Variants in MAML3 observed in about 807,000 individuals in gnomAD.
MAML3 encodes mastermind-like protein 3.
In MAML3, 27 loss-of-function variants were observed where a neutral mutation model predicts 101.9. That is an observed-to-expected ratio of 0.27 (90% CI 0.20 to 0.37). The LOEUF (loss-of-function observed/expected upper bound fraction) is 0.37. Among genes scored for constraint, MAML3 ranks in the 10% least tolerant of loss-of-function variants. The probability of loss-of-function intolerance (pLI) is 1.00; values close to 1 mark genes in which losing one functional copy is unlikely to be tolerated. For synonymous variants in MAML3, 501 were observed against 555.9 expected, an observed-to-expected ratio of 0.90 and a Z score of 1.39; for missense variants, 1,316 against 1,444.9, an observed-to-expected ratio of 0.91 and a Z score of 1.45.
chr4:139,987,809 C>T (rs534768932), intron 1 of MAML3, among the ~76,000 whole-genome samples: 3 of 152,076 alleles, frequency 2.0e-5, no homozygotes, highest in African/African-American at 7.2e-5. Flanking sequence ...CACCTGAGGT[C>T]AGGAGTTCGA....
intron 2 of MAML3, among the ~76,000 whole-genome samples, chr4:139,865,496 G>GTTTTT (rs1175520994): frequency 8.2e-6 from 1 of 122,626 alleles, no homozygotes; most frequent in African/African-American, 2.7e-5. Context: ...TTTTTTTTTT[G>GTTTTT]TTTTTTTTTT....
chr4:139,995,288 T>C (rs1734786067), intron 1 of MAML3, among the ~76,000 whole-genome samples: 1 of 152,216 alleles, frequency 6.6e-6, no homozygotes, highest in South Asian at 2.1e-4. Context: ...TATTTCAGGA[T>C]TCAATTTGCT....
intron 1 of MAML3, among the ~76,000 whole-genome samples, chr4:140,077,070 T>G (rs1028663199): frequency 1.3e-5 from 2 of 151,872 alleles, no homozygotes; most frequent in East Asian, 3.9e-4. Context: ...TTTGTATTTT[T>G]GGGGTTTCGC....
chr4:139,889,518 G>C lies in MAML3; in HGVS notation c.1918C>G (p.Gln640Glu). 6.2e-7 allele frequency: 1 copy of C among 1,608,830 alleles called. No individual in the cohort carries two copies. The highest frequency in any genetic ancestry group is 8.5e-7 in the Non-Finnish European group (1 of 1,175,742). Reference sequence around the variant, plus strand: ...TGCTGCTGCTGCTGCTGTTGCTGTTGCTGCTGCTGTTGCTGCTGCTGGATA... The same window carrying C: ...TGCTGCTGCTGCTGCTGTTGCTGTTCCTGCTGCTGTTGCTGCTGCTGGATA... Reference protein sequence around the residue: ...PYIQQQQQQQQQQQQQQQQQQ... With the variant: ...PYIQQQQQQQEQQQQQQQQQQ... Residue 640 changes from glutamine to glutamate, a missense_variant, in exon 2 of 5, where the codon CAA (glutamine) becomes GAA (glutamate). Transcript: ENST00000509479.
chr4:139,952,573 C>A (rs970000676), intron 1 of MAML3, among the ~76,000 whole-genome samples: 1 of 152,082 alleles, frequency 6.6e-6, no homozygotes, highest in Non-Finnish European at 1.5e-5. Context: ...AAAACAAAAC[C>A]AAGTACATTT....
At chr4:139,995,748 C>A (rs774762939) in intron 1 of MAML3, among the ~76,000 whole-genome samples, 6 of 151,954 alleles carry the variant, frequency 3.9e-5, no homozygotes, top group Non-Finnish European at 7.4e-5. Flanking sequence ...CTAGCTACAA[C>A]TTTTGGTTTC....
intron 1 of MAML3, among the ~76,000 whole-genome samples, chr4:140,045,067 A>T (rs971916047): frequency 6.6e-6 from 1 of 152,202 alleles, no homozygotes; most frequent in Admixed American, 6.5e-5. Flanking sequence ...TTCACATATT[A>T]GTGTTTTTCT....
At chr4:140,031,473 A>C (rs1578651070) in intron 1 of MAML3, among the ~76,000 whole-genome samples, 1 of 152,194 alleles carries the variant, frequency 6.6e-6, no homozygotes, top group African/African-American at 2.4e-5. Flanking sequence ...GGATGTGAGG[A>C]GACTACAAAG....
At chr4:140,124,049 C>A (rs887006162) in intron 1 of MAML3, among the ~76,000 whole-genome samples, 13 of 152,342 alleles carry the variant, frequency 8.5e-5, no homozygotes, top group African/African-American at 3.1e-4. Flanking sequence ...CCTAGAATTT[C>A]CAAACATATA....
chr4:140,102,781 A>G (rs1335087432), intron 1 of MAML3, among the ~76,000 whole-genome samples: 2 of 152,096 alleles, frequency 1.3e-5, no homozygotes, highest in Non-Finnish European at 2.9e-5. Context: ...CCTGATTACT[A>G]TCCGTGGTAC....
Position 139,889,394 on chromosome 4 carries a change from T to C in MAML3, c.2042A>G (p.Gln681Arg). The C allele has an allele frequency of 6.2e-7, 1 of 1,614,068 alleles. No homozygotes were observed. The highest frequency in any genetic ancestry group is 8.5e-7 in the Non-Finnish European group (1 of 1,179,902). The change falls in exon 2 of 5, where the codon CAG becomes CGG. Residue 681 changes from glutamine (Q) to arginine (R), a missense_variant. Coordinates refer to ENST00000509479, the MANE Select transcript of MAML3 (RefSeq NM_018717.5). The stretch of plus-strand genomic sequence containing the variant: ...TGGAAGTGCAGCGTAAGCCATGGGC[T>C]GATTCATCACTCCTTTCTGCTTCAT... Reference protein sequence around the residue: ...LLMKQKGVMNQPMAYAALPSH... With the variant: ...LLMKQKGVMNRPMAYAALPSH...
intron 1 of MAML3, among the ~76,000 whole-genome samples, chr4:139,971,801 AAAG>A (rs1354621625): frequency 6.6e-6 from 1 of 152,092 alleles, no homozygotes; most frequent in Non-Finnish European, 1.5e-5. Flanking sequence ...AGCCATTTCT[AAAG>A]AAGACACCTT....
chr4:139,913,708 G>C (rs112963201), intron 1 of MAML3, among the ~76,000 whole-genome samples: 1 of 152,176 alleles, frequency 6.6e-6, no homozygotes, highest in Non-Finnish European at 1.5e-5. Context: ...TTTAGGTCCC[G>C]CATAACATCT....
intron 2 of MAML3, among the ~76,000 whole-genome samples, chr4:139,837,510 AACAAACAC>A (rs369246537): frequency 9.2e-5 from 14 of 151,896 alleles, no homozygotes; most frequent in African/African-American, 2.9e-4. Context: ...AAACCAAACA[AACAAACAC>A]ACAAACAAAC....
At chr4:139,955,604 T>A (rs1214456134) in intron 1 of MAML3, among the ~76,000 whole-genome samples, 3 of 151,702 alleles carry the variant, frequency 2.0e-5, no homozygotes, top group Non-Finnish European at 2.9e-5. Flanking sequence ...GCAATTTTAT[T>A]ATGAAATGTG....
intron 1 of MAML3, among the ~76,000 whole-genome samples, chr4:139,952,891 C>T (rs564702245): frequency 2.0e-5 from 3 of 152,290 alleles, no homozygotes; most frequent in East Asian, 3.9e-4. Flanking sequence ...TTCCAAGATC[C>T]GTGGAGGAGC....
intron 1 of MAML3, among the ~76,000 whole-genome samples, chr4:140,138,029 T>C (rs1023498643): frequency 3.9e-5 from 6 of 152,238 alleles, no homozygotes; most frequent in Admixed American, 1.3e-4. Context: ...GAATGATTCA[T>C]ATAAATCCTT....
In MAML3 at chr4:139,899,954, A is replaced by T. The variant is rs1026777151; in HGVS notation, c.469-8987T>A. 2.0e-5 allele frequency among the ~76,000 whole-genome samples: 3 copies of T among 152,180 alleles called. No individual in the cohort carries two copies. In the East Asian group the frequency reaches 5.8e-4, roughly 29 times the overall value. The stretch of plus-strand genomic sequence containing the variant: ...AAGCAGTTAAAAATCTCCATTCTGA[A>T]ATCCTCCAGGAAGAAAAGGATCCTC... On this transcript the variant is annotated intron_variant, in intron 1 of 4. Transcript: ENST00000509479.
intron 1 of MAML3, among the ~76,000 whole-genome samples, chr4:140,041,868 G>A (rs1727091821): frequency 6.6e-6 from 1 of 152,160 alleles, no homozygotes; most frequent in South Asian, 2.1e-4. Flanking sequence ...CATCCAGAGA[G>A]CCTATTTCAT....
Sources: gnomAD v4.1 joint callset for allele counts (sites outside exome capture counted in the v4.1 genomes callset) on GRCh38, gnomAD v4.1.1 for gene constraint, MANE v1.5 for transcripts, NCBI Gene and HGNC (gene_info 2026-07-23, HGNC 2026-07-21) for gene names.